The following TIGD7 variants were observed in gnomAD, a reference collection of about 807,000 sequenced individuals.
TIGD7 encodes the protein tigger transposable element derived 7, also known as tigger transposable element-derived protein 7.
A neutral mutation model predicts 24.8 loss-of-function variants in TIGD7; 26 were observed. The observed-to-expected ratio is 1.05, with a 90% CI of 0.77 to 1.45. The LOEUF is 1.45. TIGD7 is among the 40% of genes most tolerant of loss of function. The probability of loss-of-function intolerance (pLI) is 0.00; values close to 1 mark genes in which losing one functional copy is unlikely to be tolerated. For missense variants in TIGD7, 679 were observed against 641.6 expected, an observed-to-expected ratio of 1.06 and a Z score of -0.63; for synonymous variants, 221 against 224.1, an observed-to-expected ratio of 0.99 and a Z score of 0.12.
At position 3,298,910 on chromosome 16, in the gene TIGD7, G is replaced by T; in HGVS notation, c.*55C>A. ...AAAATAATGTCAGTTGCTAAAACAA[G>T]ACAATTCACAGCTGGCCTACATCAT... On this transcript the variant is annotated 3_prime_UTR_variant, in exon 2 of 2. Transcript: ENST00000396862. The T allele has an allele frequency of 1.4e-6, 1 of 713,888 alleles. No homozygotes were observed. The highest frequency in any genetic ancestry group is 5.4e-5 in the South Asian group (1 of 18,370). 44.2% of individuals were successfully genotyped at this position (713,888 alleles called of 1,614,324 possible).
Sources: gnomAD v4.1 joint callset for allele counts on GRCh38, gnomAD v4.1.1 for gene constraint, MANE v1.5 for transcripts, NCBI Gene and HGNC (gene_info 2026-07-23, HGNC 2026-07-21) for gene names.